MTA3: variants seen among roughly 807,000 people sequenced by gnomAD.
MTA3 encodes metastasis-associated protein MTA3.
Under a neutral mutation model 83.5 loss-of-function variants are expected in MTA3, and 34 were observed. The observed-to-expected ratio is 0.41, with a 90% CI of 0.31 to 0.54. MTA3 has a LOEUF of 0.54. MTA3 is among the 20% of genes least tolerant of loss of function. The pLI is 0.33. For missense variants in MTA3, 761 were observed against 726.4 expected (o/e 1.05, Z -0.55); for synonymous variants, 303 against 252.7 (o/e 1.20, Z -1.89).
chr2:42,565,580 G>T (rs1220221046), upstream of MTA3, among the ~76,000 whole-genome samples: 1 of 152,188 alleles, frequency 6.6e-6, no homozygotes, highest in Non-Finnish European at 1.5e-5. Context: ...CCATGGAAGG[G>T]CTGGATTTGC....
At chr2:42,690,343 T>A (rs1692767081) in intron 9 of MTA3, among the ~76,000 whole-genome samples, 1 of 152,240 alleles carries the variant, frequency 6.6e-6, no homozygotes, top group Admixed American at 6.5e-5. Context: ...TCTTTTTCAG[T>A]ACTGTAAAGC....
rs561513904 is a variant in MTA3 at position 42,575,301 on chromosome 2, TC to T, written c.97-3804del. ...CTGTGTTTATTTTCATTACCTGTCT[TC>T]CTAGAGTGTCAGCTGCAGTGATCTT... On this transcript the variant is annotated intron_variant, in intron 2 of 16. Coordinates refer to ENST00000405094, the MANE Select transcript of MTA3 (RefSeq NM_001330442.2). 3.3e-5 allele frequency among the ~76,000 whole-genome samples: 5 copies of T among 152,340 alleles called. 2 individuals carry two copies. In the South Asian group the frequency reaches 1.0e-3, roughly 32 times the overall value.
intron 4 of MTA3, among the ~76,000 whole-genome samples, chr2:42,615,358 T>A (rs975280049): frequency 2.0e-5 from 3 of 148,868 alleles, no homozygotes; most frequent in African/African-American, 7.8e-5. Context: ...TACTTTTATT[T>A]TTTATTTTTT....
rs35757153 is a variant in MTA3, at chr2:42,750,405, GT to G, written c.1760-2959del. Among the ~76,000 whole-genome samples, 14 of 149,522 alleles carry G rather than the reference GT, an allele frequency of 9.4e-5. No homozygotes were observed. In the South Asian group the frequency reaches 1.9e-3, roughly 20 times the overall value. ...TAACACCTGCTGTTAGAGGGTCTTT[GT>G]TTTTTTTTTCCCTGGTGACCTTTGT... On this transcript the variant is annotated intron_variant, in intron 16 of 16. Transcript: ENST00000405094.
At chr2:42,577,354 T>A (rs866704737) in intron 2 of MTA3, among the ~76,000 whole-genome samples, 2 of 151,856 alleles carry the variant, frequency 1.3e-5, no homozygotes, top group Admixed American at 6.6e-5. Context: ...AGAGACTATT[T>A]ATTTTGAACT....
rs576185917 is a variant in MTA3 at position 42,505,748 on chromosome 2, C to G, written c.-141+10494C>G. Among the ~76,000 whole-genome samples, 10 of 150,270 alleles carry G rather than the reference C, an allele frequency of 6.7e-5. No individual in the cohort carries two copies. In the South Asian group the frequency reaches 1.5e-3, roughly 22 times the overall value. ...CAAGTGGGTGGGAATATAGATGAAACGAGATGGGCCACAAATTGATAATTT... is the reference window on the plus strand; with the variant it reads ...CAAGTGGGTGGGAATATAGATGAAAGGAGATGGGCCACAAATTGATAATTT... On this transcript the variant is annotated intron_variant, in intron 2 of 17. Coordinates refer to the MTA3 transcript ENST00000405592.
At chr2:42,525,533 C>T (rs546933708) in intron 2 of MTA3, among the ~76,000 whole-genome samples, 2 of 143,534 alleles carry the variant, frequency 1.4e-5, no homozygotes, top group South Asian at 4.5e-4. Flanking sequence ...TTCCTTCCTT[C>T]CCCTTCCTTC....
chr2:42,742,305 A>AT (rs1227538465), intron 16 of MTA3, among the ~76,000 whole-genome samples: 2 of 151,896 alleles, frequency 1.3e-5, no homozygotes, highest in African/African-American at 4.8e-5. Context: ...CACCCAGCTA[A>AT]TTTTTGTATT....
chr2:42,548,184 G>GC lies in MTA3; in HGVS notation c.-140-22251dup, dbSNP rs565973398. Among the ~76,000 whole-genome samples the GC allele has an allele frequency of 4.4e-3, 672 of 152,210 alleles. 5 individuals are homozygous for GC. Among genetic ancestry groups the GC allele is most frequent in the African/African-American group, 0.015 (640 of 41,548 alleles). ...CTGAGGTCTAAAAATATTAAAGGGG[G>GC]CCGGGCGCGCTGGCTCATGCCTGGA... On this transcript the variant is annotated intron_variant, in intron 2 of 17. Transcript: ENST00000405592.
chr2:42,583,934 C>T (rs1679965192), intron 3 of MTA3, among the ~76,000 whole-genome samples: 1 of 151,880 alleles, frequency 6.6e-6, no homozygotes, highest in Non-Finnish European at 1.5e-5. Context: ...ACCTCCACCT[C>T]CCAGGTTCAA....
chr2:42,733,953 A>G (rs2104567896), intron 16 of MTA3, among the ~76,000 whole-genome samples: 1 of 152,324 alleles, frequency 6.6e-6, no homozygotes, highest in Non-Finnish European at 1.5e-5. Context: ...GGCCTAACAT[A>G]TGGTCTGTCC....
At chr2:42,523,446 C>G (rs994508746) in intron 2 of MTA3, among the ~76,000 whole-genome samples, 4 of 152,106 alleles carry the variant, frequency 2.6e-5, no homozygotes, top group Non-Finnish European at 5.9e-5. Flanking sequence ...AGGCAACGAT[C>G]CAGCCTCAAC....
At chr2:42,731,908 A>T (rs1436469416) in intron 16 of MTA3, among the ~76,000 whole-genome samples, 1 of 152,204 alleles carries the variant, frequency 6.6e-6, no homozygotes, top group Non-Finnish European at 1.5e-5. Flanking sequence ...AGCCGTTCCA[A>T]ATGGGAGAAA....
At chr2:42,535,751 G>A (rs910807393) in intron 2 of MTA3, among the ~76,000 whole-genome samples, 2 of 151,984 alleles carry the variant, frequency 1.3e-5, no homozygotes, top group African/African-American at 2.4e-5. Context: ...TAACCCTTGG[G>A]TAAGTGTTGA....
chr2:42,679,588 A>G (rs185024992), intron 8 of MTA3, among the ~76,000 whole-genome samples: 74 of 152,386 alleles, frequency 4.9e-4, no homozygotes, highest in Non-Finnish European at 8.1e-4. Flanking sequence ...TCCACATTAT[A>G]TAAACAAGAA....
intron 2 of MTA3, among the ~76,000 whole-genome samples, chr2:42,541,372 T>A (rs968422733): frequency 2.6e-5 from 4 of 152,182 alleles, no homozygotes; most frequent in African/African-American, 9.7e-5. Context: ...TATTGTGATA[T>A]TCTTTTGTGA....
intron 15 of MTA3, among the ~76,000 whole-genome samples, chr2:42,722,253 A>G (rs1206341671): frequency 2.0e-5 from 3 of 152,346 alleles, no homozygotes; most frequent in South Asian, 4.1e-4. Flanking sequence ...GCTAACAACA[A>G]TATACCTTTG....
At chr2:42,681,689 T>C (rs888829085) in intron 8 of MTA3, among the ~76,000 whole-genome samples, 10 of 151,716 alleles carry the variant, frequency 6.6e-5, no homozygotes, top group African/African-American at 2.4e-4. Context: ...ATTTTTTATT[T>C]TTGCAGAGAC....
Position 42,690,965 on chromosome 2 carries a change from C to G in MTA3, c.892-4800C>G, listed in dbSNP as rs543419281. Among the ~76,000 whole-genome samples, 8 of 152,100 alleles carry G rather than the reference C, an allele frequency of 5.3e-5. No homozygotes were observed. In the South Asian group the frequency reaches 1.7e-3, roughly 32 times the overall value. ...GATCTCTGCTTACTGCAACCTCCAC[C>G]TCCCAGGTTCAAGTGATTCTCCTGC... On this transcript the variant is annotated intron_variant, in intron 9 of 16. Coordinates refer to ENST00000405094, the MANE Select transcript of MTA3 (RefSeq NM_001330442.2).
Sources: allele counts gnomAD v4.1 joint callset (sites outside exome capture counted in the v4.1 genomes callset), GRCh38; gene constraint gnomAD v4.1.1; transcripts MANE v1.5; gene names NCBI Gene and HGNC (gene_info 2026-07-23, HGNC 2026-07-21).